Variants in MDGA2 observed in about 807,000 individuals in gnomAD.
The protein encoded by MDGA2 is MAM domain-containing glycosylphosphatidylinositol anchor protein 2.
In MDGA2, 40 loss-of-function variants were observed where a neutral mutation model predicts 117.8. That is an observed-to-expected ratio of 0.34 (90% CI 0.26 to 0.44). MDGA2 has a LOEUF of 0.44. MDGA2 is among the 20% of genes least tolerant of loss of function. MDGA2 has a pLI of 1.00. For missense variants in MDGA2, 1,123 were observed against 1,250.6 expected (o/e 0.90, Z 1.54); for synonymous variants, 452 against 439.0 (o/e 1.03, Z -0.37).
intron 1 of MDGA2, among the ~76,000 whole-genome samples, chr14:47,601,846 C>A (rs1263016023): frequency 6.6e-6 from 1 of 152,106 alleles, no homozygotes; most frequent in Non-Finnish European, 1.5e-5. Context: ...AAAAGACATT[C>A]TTTAATGAAA....
At chr14:46,903,176 C>T (rs1432923498) in intron 10 of MDGA2, among the ~76,000 whole-genome samples, 5 of 152,210 alleles carry the variant, frequency 3.3e-5, no homozygotes, top group Admixed American at 1.3e-4. Context: ...CAATAAATTC[C>T]GTTCCTGTCA....
chr14:46,961,921 C>T (rs901680155), intron 8 of MDGA2, among the ~76,000 whole-genome samples: 2 of 152,056 alleles, frequency 1.3e-5, no homozygotes, highest in African/African-American at 2.4e-5. Flanking sequence ...GGATTACAGG[C>T]GTGAGCCACC....
chr14:47,511,080 C>T (rs912011845), intron 1 of MDGA2, among the ~76,000 whole-genome samples: 1 of 152,172 alleles, frequency 6.6e-6, no homozygotes, highest in East Asian at 1.9e-4. Flanking sequence ...ACCAACCGAC[C>T]TACACATGTT....
At chr14:47,354,030 A>G (rs1342467636) in intron 1 of MDGA2, among the ~76,000 whole-genome samples, 1 of 152,216 alleles carries the variant, frequency 6.6e-6, no homozygotes, top group Non-Finnish European at 1.5e-5. Flanking sequence ...GATTCACTAC[A>G]TTAATGGAAT....
intron 14 of MDGA2, chr14:46,871,139 T>C (rs1881978580): frequency 7.6e-6 from 1 of 131,318 alleles, no homozygotes; most frequent in Admixed American, 7.1e-5. Context: ...TAAAATGGCT[T>C]GGCAATTATG....
intron 1 of MDGA2, 94 bp downstream of exon 1, chr14:47,674,423 G>C: frequency 9.2e-7 from 1 of 1,082,156 alleles, no homozygotes; most frequent in South Asian, 1.4e-5. Flanking sequence ...CACGCCGGGA[G>C]GGGCCCCGGA....
At chr14:47,370,893 G>C (rs966724806) in intron 1 of MDGA2, among the ~76,000 whole-genome samples, 2 of 151,490 alleles carry the variant, frequency 1.3e-5, no homozygotes, top group Non-Finnish European at 3.0e-5. Context: ...ATATTTTTCT[G>C]ATTAATACTG....
intron 1 of MDGA2, among the ~76,000 whole-genome samples, chr14:47,435,094 C>T (rs1441115243): frequency 1.3e-5 from 2 of 152,056 alleles, no homozygotes; most frequent in African/African-American, 4.8e-5. Context: ...CGAGATCACG[C>T]CACTGCACTA....
chr14:47,136,965 C>A (rs1280331613), intron 4 of MDGA2, among the ~76,000 whole-genome samples: 1 of 152,006 alleles, frequency 6.6e-6, no homozygotes. Flanking sequence ...AAAGGTAAGC[C>A]CCAAGGGAAA....
Position 47,035,162 on chromosome 14 carries a change from A to T in MDGA2, c.1668T>A (p.Pro556=), listed in dbSNP as rs1469833824. 3 of 1,614,036 alleles carry T rather than the reference A, an allele frequency of 1.9e-6. No individual in the cohort carries two copies. The highest frequency in any genetic ancestry group is 2.2e-5 in the East Asian group (1 of 44,870). Residue 556 remains proline, a synonymous_variant, in exon 8 of 17, where the codon CCT becomes CCA. Transcript: ENST00000399232. ...WSRADKEVAM[P]DGSMQMESYD... is the part of the protein sequence containing the mutation. The stretch of plus-strand genomic sequence containing the variant: ...AACTCTCCATTTGCATTGATCCATC[A>T]GGCATTGCAACTTCTTTATCCGCTC...
At chr14:47,380,824 G>C (rs371046103) in intron 1 of MDGA2, among the ~76,000 whole-genome samples, 30 of 151,954 alleles carry the variant, frequency 2.0e-4, no homozygotes, top group Middle Eastern at 3.4e-3. Context: ...CTATTCCAAT[G>C]AATAGAAAAA....
chr14:47,201,929 C>T (rs1384590372), intron 3 of MDGA2, among the ~76,000 whole-genome samples: 8 of 152,132 alleles, frequency 5.3e-5, no homozygotes, highest in Admixed American at 2.0e-4. Flanking sequence ...GACACATGTA[C>T]AGTACATATT....
chr14:47,668,958 G>C (rs1898026360), intron 1 of MDGA2, among the ~76,000 whole-genome samples: 1 of 152,112 alleles, frequency 6.6e-6, no homozygotes, highest in African/African-American at 2.4e-5. Flanking sequence ...AAAGCATGAG[G>C]ATCAAATCAG....
At chr14:46,871,993 T>A (rs1882022145) in intron 14 of MDGA2, 1 of 224,730 alleles carries the variant, frequency 4.4e-6, no homozygotes. Context: ...AAAAATAAAT[T>A]ATAAAACAAA....
chr14:47,367,834 A>G (rs918083281), intron 1 of MDGA2, among the ~76,000 whole-genome samples: 2 of 152,158 alleles, frequency 1.3e-5, no homozygotes, highest in African/African-American at 4.8e-5. Flanking sequence ...TCTAAATAAG[A>G]TTATCTATTA....
At position 47,517,781 on chromosome 14, in the gene MDGA2, G is replaced by A. The variant is rs1009418778; in HGVS notation, c.280+156736C>T. ...TAAATACATGAAACTGACAAAAAATGTTTAATAACCTAATTTACATGAGTT... is the reference window on the plus strand; with the variant it reads ...TAAATACATGAAACTGACAAAAAATATTTAATAACCTAATTTACATGAGTT... On this transcript the variant is annotated intron_variant, in intron 1 of 16. Coordinates refer to ENST00000399232, the MANE Select transcript of MDGA2 (RefSeq NM_001113498.3). 5.9e-5 allele frequency among the ~76,000 whole-genome samples: 9 copies of A among 152,180 alleles called. No individual in the cohort carries two copies. The South Asian group carries it at 1.9e-3, about 32-fold the overall frequency.
intron 1 of MDGA2, among the ~76,000 whole-genome samples, chr14:47,370,468 G>GTCTTTTTTTTTTTTTTTTTTTT (rs1891322901): frequency 4.8e-5 from 1 of 20,684 alleles, no homozygotes; most frequent in Non-Finnish European, 1.0e-4. Flanking sequence ...TCTACTTACT[G>GTCTTTTTTTTTTTTTTTTTTTT]TTTTTTTTTT....
intron 1 of MDGA2, among the ~76,000 whole-genome samples, chr14:47,464,487 C>A (rs1351664029): frequency 6.6e-6 from 1 of 151,916 alleles, no homozygotes; most frequent in Non-Finnish European, 1.5e-5. Context: ...ATCAAAGTTT[C>A]AGAATAAAAA....
chr14:47,174,610 G>C (rs905914504), intron 3 of MDGA2, among the ~76,000 whole-genome samples: 11 of 152,180 alleles, frequency 7.2e-5, no homozygotes, highest in South Asian at 2.1e-4. Flanking sequence ...TAAGAACAAA[G>C]ACACAACATA....
Sources: allele counts gnomAD v4.1 joint callset (sites outside exome capture counted in the v4.1 genomes callset), GRCh38; gene constraint gnomAD v4.1.1; transcripts MANE v1.5; gene names NCBI Gene and HGNC (gene_info 2026-07-23, HGNC 2026-07-21).